The following CSMD2 variants were observed in gnomAD, a reference collection of about 807,000 sequenced individuals.
CSMD2 encodes the protein CUB and sushi domain-containing protein 2.
CSMD2 carries 130 observed loss-of-function variants against 398.5 expected under a neutral mutation model. That is an observed-to-expected ratio of 0.33 (90% CI 0.28 to 0.38). CSMD2 has a LOEUF of 0.38. Ranked by LOEUF, CSMD2 falls within the 10% of genes least tolerant of loss-of-function variation. The pLI is 1.00. For missense variants in CSMD2, 3,829 were observed against 4,764.9 expected, an observed-to-expected ratio of 0.80 and a Z score of 5.78; for synonymous variants, 1,828 against 1,908.5, an observed-to-expected ratio of 0.96 and a Z score of 1.10.
chr1:33,584,783 A>G (rs1423344669), intron 46 of CSMD2, among the ~76,000 whole-genome samples: 1 of 151,658 alleles, frequency 6.6e-6, no homozygotes, highest in Non-Finnish European at 1.5e-5. Context: ...CTGCATCTTG[A>G]ACAGAAAGGT....
At chr1:33,912,548 AAAG>A (rs1450377202) in intron 5 of CSMD2, among the ~76,000 whole-genome samples, 1 of 152,034 alleles carries the variant, frequency 6.6e-6, no homozygotes, top group Admixed American at 6.5e-5. Context: ...GGGGTAGAGG[AAAG>A]AAGGAGAGAA....
intron 33 of CSMD2, among the ~76,000 whole-genome samples, chr1:33,625,724 G>A (rs1464992133): frequency 6.6e-6 from 1 of 152,126 alleles, no homozygotes. Flanking sequence ...TGATGGGCCC[G>A]GGATGGCCTC....
chr1:34,064,443 CG>C (rs1654883167), intron 2 of CSMD2, among the ~76,000 whole-genome samples: 2 of 152,078 alleles, frequency 1.3e-5, no homozygotes, highest in South Asian at 4.2e-4. Context: ...GTCTCTAGGG[CG>C]GGGGCAAAAT....
Position 33,664,781 on chromosome 1 carries a change from C to T in CSMD2, c.4053-1689G>A, listed in dbSNP as rs181408507. 9.9e-3 allele frequency among the ~76,000 whole-genome samples: 1,502 copies of T among 151,020 alleles called. 22 individuals carry two copies. Among genetic ancestry groups the T allele is most frequent in the African/African-American group, 0.034 (1,404 of 41,112 alleles). On this transcript the variant is annotated intron_variant, in intron 25 of 70. Transcript: ENST00000373381. ...TTGCACCACTGCACTCCAGCCTGGG[C>T]GACACAGCGAGACTCCGTCTCAAAA... is the stretch of plus-strand genomic sequence containing the variant.
chr1:34,054,101 C>G (rs1443967641), intron 2 of CSMD2, among the ~76,000 whole-genome samples: 2 of 152,152 alleles, frequency 1.3e-5, no homozygotes, highest in African/African-American at 4.8e-5. Flanking sequence ...GCGCATTTGT[C>G]AAGACTAAGA....
chr1:33,615,377 C>G lies in CSMD2; in HGVS notation c.6017-757G>C, dbSNP rs556248895. On this transcript the variant is annotated intron_variant, in intron 39 of 70. Coordinates refer to ENST00000373381, the MANE Select transcript of CSMD2 (RefSeq NM_001281956.2). ...GAAAGGGGCTAGCCAGTCTTAGAGACCCAGGGAAAGGATCATAGAACAGGG... is the reference window on the plus strand; with the variant it reads ...GAAAGGGGCTAGCCAGTCTTAGAGAGCCAGGGAAAGGATCATAGAACAGGG... Among the ~76,000 whole-genome samples, 9 of 152,256 alleles carry G rather than the reference C, an allele frequency of 5.9e-5. No individual in the cohort carries two copies. In the East Asian group the frequency reaches 1.7e-3, roughly 29 times the overall value.
chr1:33,700,468 A>C (rs749031554), intron 23 of CSMD2, 49 bp downstream of exon 23: 19 of 1,595,790 alleles, frequency 1.2e-5, no homozygotes, highest in Non-Finnish European at 1.5e-5. Context: ...AAATGAATAA[A>C]ATGGGAAACC....
chr1:33,597,535 A>G (rs1049957347), intron 44 of CSMD2, among the ~76,000 whole-genome samples: 9 of 152,210 alleles, frequency 5.9e-5, no homozygotes, highest in African/African-American at 2.2e-4. Context: ...CCTCATCACA[A>G]GCATACAAGT....
rs531463811 is a variant in CSMD2 at position 33,518,138 on chromosome 1, C to G, written c.*53+1327G>C. Among the ~76,000 whole-genome samples the G allele has an allele frequency of 6.6e-6, 1 of 152,382 alleles. No homozygotes were observed. Among genetic ancestry groups the G allele is most frequent in the South Asian group, 2.1e-4 (1 of 4,830 alleles). On this transcript the variant is annotated intron_variant, in intron 70 of 70. Transcript: ENST00000373381. The surrounding 1 kb of genome is among the most constrained non-coding windows in gnomAD (Gnocchi z 4.3). ...CTGGCTGGCTCTGTGACTCTTCTCC[C>G]CAGAGTCCTTCAGCACAGGACCTGA...
chr1:33,864,459 C>T (rs747612103), intron 5 of CSMD2: 1 of 1,613,758 alleles, frequency 6.2e-7, no homozygotes, highest in South Asian at 1.1e-5. Context: ...AAAGCGGGAT[C>T]CCCAGGAACC....
chr1:33,748,057 G>C (rs1047185997), intron 13 of CSMD2, among the ~76,000 whole-genome samples: 1 of 152,172 alleles, frequency 6.6e-6, no homozygotes, highest in Admixed American at 6.5e-5. Context: ...ATTATACCTG[G>C]AAGGAGACAG....
At chr1:33,888,570 T>C (rs80077444) in intron 5 of CSMD2, among the ~76,000 whole-genome samples, 7,920 of 152,252 alleles carry the variant, frequency 0.052, 243 homozygotes, top group Middle Eastern at 0.13. Context: ...GCTAGATCTA[T>C]AGCTCAAACC....
At chr1:33,947,291 C>T (rs538192190) in intron 3 of CSMD2, among the ~76,000 whole-genome samples, 1 of 152,324 alleles carries the variant, frequency 6.6e-6, no homozygotes, top group South Asian at 2.1e-4. Context: ...TGCTCTGGGC[C>T]AGGCTCTGCT....
intron 5 of CSMD2, among the ~76,000 whole-genome samples, chr1:33,849,753 A>G (rs1215383428): frequency 6.6e-6 from 1 of 151,880 alleles, no homozygotes; most frequent in Non-Finnish European, 1.5e-5. Context: ...AGACAGTGAG[A>G]CCCCATTTTA....
intron 10 of CSMD2, among the ~76,000 whole-genome samples, chr1:33,795,521 A>T (rs1654849780): frequency 1.3e-5 from 2 of 152,152 alleles, no homozygotes; most frequent in Admixed American, 1.3e-4. Flanking sequence ...AGTCCTGGGC[A>T]TTCACACCAG....
At chr1:33,806,027 C>T (rs552147128) in intron 10 of CSMD2, among the ~76,000 whole-genome samples, 18 of 152,048 alleles carry the variant, frequency 1.2e-4, no homozygotes, top group Admixed American at 2.6e-4. Flanking sequence ...TTTAAAAATT[C>T]GGTCAATATA....
At chr1:33,704,123 C>T (rs974746844) in intron 22 of CSMD2, among the ~76,000 whole-genome samples, 2 of 152,074 alleles carry the variant, frequency 1.3e-5, no homozygotes, top group Non-Finnish European at 2.9e-5. Context: ...AGGTGTCTTA[C>T]AGTTTTTGTT....
At chr1:33,657,847 T>C (rs1352984248) in intron 27 of CSMD2, 99 bp downstream of exon 27, 3 of 1,216,722 alleles carry the variant, frequency 2.5e-6, no homozygotes, top group Non-Finnish European at 3.5e-6. Flanking sequence ...TTCAATTCTC[T>C]TGGCCCCAGG....
rs1243592686 is a variant in CSMD2, at chr1:34,164,393, G to A, written c.187+518C>T. Among the ~76,000 whole-genome samples the A allele has an allele frequency of 6.6e-6, 1 of 152,038 alleles. No homozygotes were observed. Among genetic ancestry groups the A allele is most frequent in the Non-Finnish European group, 1.5e-5 (1 of 67,996 alleles). ...CGCAGTCTGCAGTCGGTTCCAGAGG[G>A]GGCACCGGTTTCAATTGGAGAAAAT... On this transcript the variant is annotated intron_variant, in intron 1 of 70. Transcript: ENST00000373381. This position sits in a 1 kb window ranked among gnomAD's most constrained non-coding sequence, Gnocchi z 6.2.
Sources: allele counts gnomAD v4.1 joint callset (sites outside exome capture counted in the v4.1 genomes callset), GRCh38; gene constraint gnomAD v4.1.1; non-coding constraint Gnocchi (gnomAD v3.1); transcripts MANE v1.5; gene names NCBI Gene and HGNC (gene_info 2026-07-23, HGNC 2026-07-21).